The following PRKAR1A variants were observed in gnomAD, a reference collection of about 807,000 sequenced individuals.
PRKAR1A encodes the protein protein kinase cAMP-dependent type I regulatory subunit alpha, also known as cAMP-dependent protein kinase type I-alpha regulatory subunit.
PRKAR1A carries 3 observed loss-of-function variants against 52.0 expected under a neutral mutation model. That is an observed-to-expected ratio of 0.06 (90% CI 0.03 to 0.15). PRKAR1A has a LOEUF of 0.15. Among genes scored for constraint, PRKAR1A ranks in the 10% least tolerant of loss-of-function variants. The pLI, the probability that PRKAR1A is intolerant of heterozygous loss-of-function variation, is 1.00. For missense variants in PRKAR1A, 240 were observed against 477.4 expected, an observed-to-expected ratio of 0.50 and a Z score of 4.63; for synonymous variants, 188 against 168.4, an observed-to-expected ratio of 1.12 and a Z score of -0.90.
the PRKAR1A span, among the ~76,000 whole-genome samples, chr17:68,416,087 T>C: frequency 1.3e-5 from 2 of 152,172 alleles, no homozygotes; most frequent in Non-Finnish European, 2.9e-5. Flanking sequence ...TTGGTTTTTT[T>C]GTTTTTGCTT....
At chr17:68,526,798 G>A (rs562802640) in intron 7 of PRKAR1A, among the ~76,000 whole-genome samples, 4 of 152,186 alleles carry the variant, frequency 2.6e-5, no homozygotes, top group African/African-American at 9.6e-5. Context: ...GAGAGGATCA[G>A]GAAAAATACC....
chr17:68,467,111 C>A, the PRKAR1A span, among the ~76,000 whole-genome samples: 1,034 of 152,316 alleles, frequency 6.8e-3, 16 homozygotes, highest in African/African-American at 0.024. Flanking sequence ...CTTTTTATGG[C>A]TGAATAGTAT....
chr17:68,425,610 A>G, the PRKAR1A span, among the ~76,000 whole-genome samples: 1 of 152,178 alleles, frequency 6.6e-6, no homozygotes, highest in African/African-American at 2.4e-5. Flanking sequence ...GCTGGTTCAC[A>G]GAGTGCAGCA....
At chr17:68,446,906 G>A in the PRKAR1A span, among the ~76,000 whole-genome samples, 1 of 152,186 alleles carries the variant, frequency 6.6e-6, no homozygotes, top group African/African-American at 2.4e-5. Flanking sequence ...AAACGCAGAG[G>A]GAAACAGAGA....
the PRKAR1A span, among the ~76,000 whole-genome samples, chr17:68,486,501 CCT>C: frequency 2.3e-5 from 1 of 43,278 alleles, no homozygotes; most frequent in African/African-American, 8.4e-5. Context: ...TTCCTTCCTT[CCT>C]TCCTTCTTTC....
rs569536422 is a variant in PRKAR1A at position 68,543,323 on chromosome 17, G to A, written c.974-7761G>A. Among the ~76,000 whole-genome samples the A allele has an allele frequency of 1.3e-5, 2 of 152,288 alleles. 1 individual carries two copies. The highest frequency in any genetic ancestry group is 4.1e-4 in the South Asian group (2 of 4,822). On this transcript the variant is annotated intron_variant, in intron 11 of 11. Transcript: ENST00000585981. ...AACAGTGAGACTCCTTGGATAAATA[G>A]GAGTGGGTGCATTCTCCTCGCTCTC...
the PRKAR1A span, among the ~76,000 whole-genome samples, chr17:68,435,977 C>G: frequency 6.6e-6 from 1 of 152,262 alleles, no homozygotes; most frequent in Non-Finnish European, 1.5e-5. Context: ...GTGATGCCGT[C>G]GCAGGCGCGC....
chr17:68,445,569 G>A, the PRKAR1A span, among the ~76,000 whole-genome samples: 2 of 152,066 alleles, frequency 1.3e-5, no homozygotes, highest in African/African-American at 4.8e-5. Context: ...CCTCTCTCTG[G>A]TGCTTGCTCT....
the PRKAR1A span, among the ~76,000 whole-genome samples, chr17:68,418,868 G>A: frequency 6.6e-6 from 1 of 152,176 alleles, no homozygotes. Context: ...TCTCATTAAT[G>A]TTTGGCTGCT....
chr17:68,489,498 A>G, the PRKAR1A span, among the ~76,000 whole-genome samples: 1 of 144,444 alleles, frequency 6.9e-6, no homozygotes, highest in Non-Finnish European at 1.5e-5. Context: ...CTATATATAT[A>G]GATAGTATAT....
Position 68,542,939 on chromosome 17 carries a change from C to G in PRKAR1A, c.974-8145C>G. On this transcript the variant is annotated intron_variant, in intron 11 of 11. Transcript: ENST00000585981. Reference sequence around the variant, plus strand: ...GGAGGGTGGCCGGTGAGGCGTGACTCTGCACTGTTGAGCTGGTAGTGCCCA... The same window carrying G: ...GGAGGGTGGCCGGTGAGGCGTGACTGTGCACTGTTGAGCTGGTAGTGCCCA... 1.1e-5 allele frequency: 8 copies of G among 732,254 alleles called. 1 individual carries two copies. The South Asian group carries it at 1.1e-4, about 10-fold the overall frequency. 45.4% of individuals were successfully genotyped at this position (732,254 alleles called of 1,614,324 possible).
the PRKAR1A span, chr17:68,425,874 T>C: frequency 5.4e-6 from 3 of 551,528 alleles, no homozygotes; most frequent in Admixed American, 6.4e-5. Context: ...CATCAGGGTT[T>C]AGCTCGACAC....
intron 2 of PRKAR1A, 119 bp from the exon 3 acceptor site, chr17:68,522,637 C>T: frequency 8.7e-7 from 1 of 1,155,446 alleles, no homozygotes; most frequent in Admixed American, 2.0e-5. Context: ...TTCCTCTTAA[C>T]TTACATTGTT....
At chr17:68,530,033 G>C in intron 10 of PRKAR1A, 32 bp downstream of exon 10, 1 of 1,599,098 alleles carries the variant, frequency 6.3e-7, no homozygotes. Flanking sequence ...ATAAATACAT[G>C]GTTTCTTTAA....
At chr17:68,520,069 A>G (rs1476187638) in intron 2 of PRKAR1A, among the ~76,000 whole-genome samples, 1 of 152,174 alleles carries the variant, frequency 6.6e-6, no homozygotes, top group African/African-American at 2.4e-5. Flanking sequence ...TCTTGACACC[A>G]CATATCTTGT....
the PRKAR1A span, among the ~76,000 whole-genome samples, chr17:68,423,835 C>G: frequency 3.9e-5 from 6 of 152,160 alleles, no homozygotes; most frequent in South Asian, 2.1e-4. The surrounding 1 kb of genome is among the most constrained non-coding windows in gnomAD (Gnocchi z 4.4). Context: ...CCACATTACC[C>G]CAATTCTGTA....
At chr17:68,540,556 C>T in intron 11 of PRKAR1A, 1 of 525,160 alleles carries the variant, frequency 1.9e-6, no homozygotes, top group Non-Finnish European at 3.7e-6. Context: ...CCTGGTTTCC[C>T]CTCACTTGGT....
chr17:68,515,000 C>T (rs920370127), intron 1 of PRKAR1A: 2 of 276,226 alleles, frequency 7.2e-6, no homozygotes, highest in East Asian at 9.7e-5. Flanking sequence ...ACTTTTGTGC[C>T]CTGGTAATTC....
At chr17:68,434,615 G>A in the PRKAR1A span, 1 of 1,614,032 alleles carries the variant, frequency 6.2e-7, no homozygotes, top group East Asian at 2.2e-5. Context: ...AGAACACCCG[G>A]ATGACTGTGC....
Sources: gnomAD v4.1 joint callset for allele counts (sites outside exome capture counted in the v4.1 genomes callset) on GRCh38, gnomAD v4.1.1 for gene constraint, Gnocchi (gnomAD v3.1) non-coding constraint, MANE v1.5 for transcripts, NCBI Gene and HGNC (gene_info 2026-07-23, HGNC 2026-07-21) for gene names.